CD2AP: variants seen among roughly 807,000 people sequenced by gnomAD.
CD2AP encodes CD2-associated protein.
Under a neutral mutation model 85.1 loss-of-function variants are expected in CD2AP, and 46 were observed. The ratio of observed to expected loss-of-function variants is 0.54; its 90% confidence interval spans 0.43 to 0.69. The LOEUF (loss-of-function observed/expected upper bound fraction) is 0.69, where lower values mean the gene tolerates loss of function less well. Among genes scored for constraint, CD2AP ranks in the 30% least tolerant of loss-of-function variants. The pLI, the probability that CD2AP is intolerant of heterozygous loss-of-function variation, is 0.00. For synonymous variants in CD2AP, 255 were observed against 252.9 expected, an observed-to-expected ratio of 1.01 and a Z score of -0.08; for missense variants, 769 against 729.5, an observed-to-expected ratio of 1.05 and a Z score of -0.62.
At chr6:47,559,973 A>G (rs1394651655) in intron 5 of CD2AP, among the ~76,000 whole-genome samples, 1 of 152,124 alleles carries the variant, frequency 6.6e-6, no homozygotes, top group Admixed American at 6.5e-5. Context: ...TTTTTGTTAG[A>G]ACCAGGACTT....
chr6:47,562,922 C>G, intron 5 of CD2AP: 1 of 624,580 alleles, frequency 1.6e-6, no homozygotes, highest in East Asian at 2.6e-5. Flanking sequence ...AGAGAAAACC[C>G]TATAAAGAAA....
intron 17 of CD2AP, among the ~76,000 whole-genome samples, chr6:47,616,939 C>T (rs1441880247): frequency 6.6e-6 from 1 of 152,012 alleles, no homozygotes; most frequent in African/African-American, 2.4e-5. Flanking sequence ...TCTCTAACTT[C>T]TCCATCTCCT....
In CD2AP at chr6:47,627,150, T is replaced by G. The variant is rs1769929972; in HGVS notation, c.*2923T>G. Reference sequence around the variant, plus strand: ...GATTTTATTGCCAGTCGTGTCAGTCTTTATTGGTTATTTTTTGTTAACTTT... The same window carrying G: ...GATTTTATTGCCAGTCGTGTCAGTCGTTATTGGTTATTTTTTGTTAACTTT... On this transcript the variant is annotated 3_prime_UTR_variant, in exon 18 of 18. Transcript: ENST00000359314. 6.6e-6 allele frequency: 1 copy of G among 152,588 alleles called. No homozygotes were observed. Among genetic ancestry groups the G allele is most frequent in the South Asian group, 2.1e-4 (1 of 4,836 alleles). 9.5% of individuals were successfully genotyped at this position (152,588 alleles called of 1,614,324 possible).
chr6:47,551,840 T>A (rs1296443143), intron 4 of CD2AP, among the ~76,000 whole-genome samples: 1 of 152,216 alleles, frequency 6.6e-6, no homozygotes, highest in African/African-American at 2.4e-5. Flanking sequence ...AGAGCCATTA[T>A]GTTAGCCTTT....
intron 11 of CD2AP, among the ~76,000 whole-genome samples, chr6:47,589,511 C>T (rs4379276): frequency 2.1e-5 from 3 of 140,522 alleles, no homozygotes; most frequent in Non-Finnish European, 4.6e-5. Context: ...TATACACATA[C>T]GTATGTACAC....
chr6:47,477,923 TC>T lies in CD2AP; in HGVS notation c.-319del. 2 of 476,682 alleles carry T rather than the reference TC, an allele frequency of 4.2e-6. No individual in the cohort carries two copies. The highest frequency in any genetic ancestry group is 7.5e-6 in the Non-Finnish European group (2 of 267,634). 29.5% of individuals were successfully genotyped at this position (476,682 alleles called of 1,614,324 possible). ...CCGAGGGTCTGGGCAAACCGGTGGG[TC>T]CCTCCCCACTGCGGGAGCGGCCAGG... is the stretch of plus-strand genomic sequence containing the variant. On this transcript the variant is annotated 5_prime_UTR_variant, in exon 1 of 18. Coordinates refer to ENST00000359314, the MANE Select transcript of CD2AP (RefSeq NM_012120.3).
chr6:47,567,207 A>G (rs1205990883), intron 5 of CD2AP, among the ~76,000 whole-genome samples: 1 of 151,890 alleles, frequency 6.6e-6, no homozygotes, highest in East Asian at 1.9e-4. Context: ...AGGTATGCTT[A>G]TAGAACTATC....
At chr6:47,622,314 T>G (rs1769769400) in intron 17 of CD2AP, among the ~76,000 whole-genome samples, 1 of 152,206 alleles carries the variant, frequency 6.6e-6, no homozygotes, top group African/African-American at 2.4e-5. Context: ...CTGTGGAGTC[T>G]GCAAACCAGA....
chr6:47,532,197 G>T (rs1246129551), intron 2 of CD2AP, among the ~76,000 whole-genome samples: 3 of 151,800 alleles, frequency 2.0e-5, no homozygotes, highest in East Asian at 1.9e-4. Context: ...AAGTATACTT[G>T]GTTGGCCACC....
In CD2AP at chr6:47,609,247, T is replaced by G. The variant is rs748640676; in HGVS notation, c.1757T>G (p.Leu586Arg). ...GTGAAAAAAAATTCCCTGGATGAAC[T>G]TAGAGCCCAGATTATTGAATTGTTG... ...DDVKKNSLDE[L>R]RAQIIELLCI... Residue 586 changes from leucine to arginine, a missense_variant, in exon 16 of 18, where the codon CTT (leucine) becomes CGT (arginine). Transcript: ENST00000359314. 1 of 1,613,632 alleles carries G rather than the reference T, an allele frequency of 6.2e-7. No homozygotes were observed. The highest frequency in any genetic ancestry group is 1.1e-5 in the South Asian group (1 of 91,072).
chr6:47,535,107 T>A (rs546398535), intron 3 of CD2AP, among the ~76,000 whole-genome samples: 5 of 152,302 alleles, frequency 3.3e-5, no homozygotes, highest in African/African-American at 9.6e-5. Context: ...AGAGATTGCA[T>A]ACTTATTACT....
intron 11 of CD2AP, among the ~76,000 whole-genome samples, chr6:47,589,503 TAC>T (rs1173757131): frequency 1.3e-5 from 2 of 148,370 alleles, no homozygotes; most frequent in Non-Finnish European, 3.0e-5. Context: ...CACATATATA[TAC>T]ACATACGTAT....
Position 47,579,633 on chromosome 6 carries a change from T to A in CD2AP, c.1008+144T>A, listed in dbSNP as rs1034233016. The A allele has an allele frequency of 4.0e-5, 25 of 627,142 alleles. No homozygotes were observed. In the South Asian group the frequency reaches 4.0e-4, roughly 10 times the overall value. 38.8% of individuals were successfully genotyped at this position (627,142 alleles called of 1,614,324 possible). ...GCTATTCAGGTAGGAGTTATTTGAG[T>A]TATAGTAAAACAAAATAATGTTTCA... On this transcript the variant is annotated intron_variant, in intron 9 of 17. Transcript: ENST00000359314.
chr6:47,544,928 A>G (rs974559256), intron 4 of CD2AP: 1 of 448,264 alleles, frequency 2.2e-6, no homozygotes, highest in African/African-American at 2.0e-5. Flanking sequence ...AATTAATGAA[A>G]TCTAAGTAGT....
rs188406432 is a variant in CD2AP, at chr6:47,586,881, T to G, written c.1108+4816T>G. ...TGGTTTTGGAGTTTTAGGGTAGATA[T>G]GAGAATTTTTTTGTATATAGGTTAA... is the stretch of plus-strand genomic sequence containing the variant. On this transcript the variant is annotated intron_variant, in intron 11 of 17. Coordinates refer to ENST00000359314, the MANE Select transcript of CD2AP (RefSeq NM_012120.3). Among the ~76,000 whole-genome samples the G allele has an allele frequency of 3.9e-5, 6 of 152,270 alleles. No individual in the cohort carries two copies. The East Asian group carries it at 7.7e-4, about 20-fold the overall frequency.
chr6:47,550,785 G>C (rs1443066826), intron 4 of CD2AP, among the ~76,000 whole-genome samples: 3 of 152,152 alleles, frequency 2.0e-5, no homozygotes, highest in Admixed American at 6.6e-5. Context: ...CAACCTTAAT[G>C]CCCATCAGTC....
intron 1 of CD2AP, 89 bp downstream of exon 1, chr6:47,478,337 T>A (rs1414797806): frequency 6.8e-7 from 1 of 1,471,488 alleles, no homozygotes; most frequent in East Asian, 2.5e-5. Flanking sequence ...GGGAGGCGAC[T>A]GCGGTCAGCC....
In CD2AP at chr6:47,575,879, G is replaced by A. The variant is rs116718247; in HGVS notation, c.730-645G>A. Among the ~76,000 whole-genome samples, 831 of 152,046 alleles carry A rather than the reference G, an allele frequency of 5.5e-3. 6 individuals are homozygous for A. The highest frequency in any genetic ancestry group is 0.019 in the African/African-American group (785 of 41,476). ...TCTTTCATTTTAAGGTTTAGTTCTG[G>A]GTTAAAATCTGGGCTTTGCTGCTAA... On this transcript the variant is annotated intron_variant, in intron 6 of 17. Transcript: ENST00000359314.
At chr6:47,537,414 C>G (rs1240049943) in intron 3 of CD2AP, among the ~76,000 whole-genome samples, 1 of 152,000 alleles carries the variant, frequency 6.6e-6, no homozygotes, top group Admixed American at 6.6e-5. Context: ...GGTTAGAACA[C>G]CCTACCCTCT....
Sources: gnomAD v4.1 joint callset for allele counts (sites outside exome capture counted in the v4.1 genomes callset) on GRCh38, gnomAD v4.1.1 for gene constraint, MANE v1.5 for transcripts, NCBI Gene and HGNC (gene_info 2026-07-23, HGNC 2026-07-21) for gene names.